The following ADAMTS13 variants were observed in gnomAD, a reference collection of about 807,000 sequenced individuals.
The protein encoded by ADAMTS13 is ADAM metallopeptidase with thrombospondin type 1 motif 13, also known as A disintegrin and metalloproteinase with thrombospondin motifs 13.
A neutral mutation model predicts 155.1 loss-of-function variants in ADAMTS13; 110 were observed. The ratio of observed to expected loss-of-function variants is 0.71; its 90% CI spans 0.61 to 0.83. The LOEUF is 0.83. Ranked by LOEUF, ADAMTS13 falls within the 40% of genes least tolerant of loss-of-function variation. The pLI is 0.00. For synonymous variants in ADAMTS13, 758 were observed against 756.4 expected (o/e 1.00, Z -0.03); for missense variants, 1,707 against 1,891.7 (o/e 0.90, Z 1.81).
upstream of ADAMTS13, among the ~76,000 whole-genome samples, chr9:133,419,599 G>A (rs587602296): frequency 4.7e-4 from 72 of 152,244 alleles, no homozygotes; most frequent in African/African-American, 1.7e-3. Flanking sequence ...GAGGAGAAGC[G>A]GATGTGAGTG....
chr9:133,426,284 C>G lies in ADAMTS13; in HGVS notation c.625C>G (p.Leu209Val). The change falls in exon 6 of 29, where the codon CTC becomes GTC. Residue 209 changes from leucine (L) to valine (V), a missense_variant. Coordinates refer to ENST00000355699, the MANE Select transcript of ADAMTS13 (RefSeq NM_139027.6). The stretch of plus-strand genomic sequence containing the variant: ...TGCCTGCTCCCCAACCTGGAGCTGC[C>G]TCATTACCGAGGACACTGGCTTCGA... Reference protein sequence around the residue: ...GGACSPTWSCLITEDTGFDLG... With the variant: ...GGACSPTWSCVITEDTGFDLG... 6.2e-7 allele frequency: 1 copy of G among 1,610,154 alleles called. No homozygotes were observed. Among genetic ancestry groups the G allele is most frequent in the Non-Finnish European group, 8.5e-7 (1 of 1,180,022 alleles).
In ADAMTS13 at chr9:133,442,497, C is replaced by A. The variant is rs782806565; in HGVS notation, c.2067C>A (p.Ala689=). Residue 689 remains alanine (A), a synonymous_variant, in exon 17 of 29, where the codon GCC becomes GCA. Transcript: ENST00000355699. ...QPKPRQAWVW[A]AVRGPCSVSC... Reference sequence around the variant, plus strand: ...AGCCACGGCAGGCCTGGGTGTGGGCCGCTGTGCGTGGGCCCTGCTCGGTGA... The same window carrying A: ...AGCCACGGCAGGCCTGGGTGTGGGCAGCTGTGCGTGGGCCCTGCTCGGTGA... 6.2e-7 allele frequency: 1 copy of A among 1,613,708 alleles called. No individual in the cohort carries two copies. Among genetic ancestry groups the A allele is most frequent in the Non-Finnish European group, 8.5e-7 (1 of 1,180,032 alleles).
At chr9:133,436,782 G>GCCCCCCC in intron 11 of ADAMTS13, 47 bp from the exon 12 acceptor site, 1 of 653,244 alleles carries the variant, frequency 1.5e-6, no homozygotes. Flanking sequence ...GACAACACCC[G>GCCCCCCC]CCCCCCGCCC....
rs782268976 is a variant in ADAMTS13, at chr9:133,430,086, C to T, written c.972C>T (p.Phe324=). The change falls in exon 8 of 29, where the codon TTC becomes TTT. Residue 324 remains phenylalanine (F), a synonymous_variant. Transcript: ENST00000355699. ...GCCCCAAGGCTGTCGCCTGCACCTT[C>T]GCCAGGGAGCACCTGGTGAGTCTGC... ...AFGPKAVACT[F]AREHLDMCQA... The T allele has an allele frequency of 6.3e-6, 10 of 1,589,598 alleles. No homozygotes were observed. The East Asian group carries it at 1.8e-4, about 29-fold the overall frequency.
rs782251114 is a variant in ADAMTS13 at position 133,443,382 on chromosome 9, G to T, written c.2241G>T (p.Ala747=). The T allele has an allele frequency of 6.3e-7, 1 of 1,596,848 alleles. No individual in the cohort carries two copies. The highest frequency in any genetic ancestry group is 8.5e-7 in the Non-Finnish European group (1 of 1,177,322). The change falls in exon 19 of 29, where the codon GCG becomes GCT. Residue 747 remains alanine, a synonymous_variant. Transcript: ENST00000355699. ...GCTCTGTCTCCTTCCTCAGCTGGGC[G>T]GTGGGAGACTTCGGCCCATGCAGCG... ...CVLEPCPPYW[A]VGDFGPCSAS... is the part of the protein sequence containing the mutation.
At chr9:133,419,338 C>T (rs1183138004), upstream of ADAMTS13, among the ~76,000 whole-genome samples, 1 of 152,110 alleles carries the variant, frequency 6.6e-6, no homozygotes, top group Non-Finnish European at 1.5e-5. Context: ...AACGGGCCGT[C>T]AGTCACCAAG....
At chr9:133,421,002 A>G (rs191466931), upstream of ADAMTS13, among the ~76,000 whole-genome samples, 6 of 152,356 alleles carry the variant, frequency 3.9e-5, no homozygotes, top group East Asian at 1.2e-3. Context: ...TTGGTGGCTC[A>G]TGCCTGTAAT....
chr9:133,432,827 G>C (rs1325381282), intron 9 of ADAMTS13, 135 bp downstream of exon 9: 2 of 879,822 alleles, frequency 2.3e-6, no homozygotes, highest in African/African-American at 3.3e-5. Context: ...CTTGGGGACT[G>C]TCCTTTGGGT....
chr9:133,451,196 G>T (rs1842415072), intron 23 of ADAMTS13, among the ~76,000 whole-genome samples: 2 of 152,226 alleles, frequency 1.3e-5, no homozygotes, highest in African/African-American at 4.8e-5. Context: ...AGACATGTAT[G>T]TTCCAGCACT....
In ADAMTS13 at chr9:133,458,025, G is replaced by A; in HGVS notation, c.3840G>A (p.Arg1280=). The A allele has an allele frequency of 1.2e-6, 2 of 1,613,468 alleles. No individual in the cohort carries two copies. Among genetic ancestry groups the A allele is most frequent in the East Asian group, 2.2e-5 (1 of 44,890 alleles). The change falls in exon 28 of 29, where the codon CGG becomes CGA. Residue 1280 remains arginine, a synonymous_variant. Coordinates refer to ENST00000355699, the MANE Select transcript of ADAMTS13 (RefSeq NM_139027.6). ...TCATTAATGTGGCTCCGCACGCACG[G>A]ATTGCCATCCATGCCCTGGCCACCA... ...RLFINVAPHA[R]IAIHALATNM... is the part of the protein sequence containing the mutation.
At position 133,439,422 on chromosome 9, in the gene ADAMTS13, C is replaced by A; in HGVS notation, c.1762C>A (p.His588Asn). The change falls in exon 15 of 29, where the codon CAC becomes AAC. Residue 588 changes from histidine to asparagine, a missense_variant. This residue lies in a region of ADAMTS13 where 961 missense variants were observed against 1,107.9 expected (regional missense o/e 0.87). Transcript: ENST00000355699. ...CCTGACCAGTGTCTACATTGCCAAC[C>A]ACAGGCCTCTCTTCACACACTTGGG... is the stretch of plus-strand genomic sequence containing the variant. ...PNLTSVYIANHRPLFTHLAVR... is the reference protein window; with the variant it reads ...PNLTSVYIANNRPLFTHLAVR... 6.2e-7 allele frequency: 1 copy of A among 1,614,074 alleles called. No homozygotes were observed. The highest frequency in any genetic ancestry group is 8.5e-7 in the Non-Finnish European group (1 of 1,179,908).
chr9:133,447,657 T>A (rs1425606595), intron 21 of ADAMTS13, among the ~76,000 whole-genome samples: 3 of 152,122 alleles, frequency 2.0e-5, no homozygotes, highest in Non-Finnish European at 4.4e-5. Context: ...GGTGTGATCT[T>A]GGCTCACTGC....
At position 133,446,795 on chromosome 9, in the gene ADAMTS13, GTGCATAAGAGTTCCAAT is replaced by G. The variant is rs1455100307; in HGVS notation, c.2731+977_2731+993del. 2.0e-5 allele frequency among the ~76,000 whole-genome samples: 3 copies of G among 152,308 alleles called. No individual in the cohort carries two copies. In the East Asian group the frequency reaches 5.8e-4, roughly 29 times the overall value. On this transcript the variant is annotated intron_variant, in intron 21 of 28. Transcript: ENST00000355699. ...GCACCATTTTACATTTCCACTAATG[GTGCATAAGAGTTCCAAT>G]GTCCTCCCATCCTTGCCAACACTTT...
chr9:133,433,190 G>A (rs587607827), intron 9 of ADAMTS13, among the ~76,000 whole-genome samples, 188 bp from the exon 10 acceptor site: 12 of 150,056 alleles, frequency 8.0e-5, no homozygotes, highest in Admixed American at 4.0e-4. Context: ...CTCTGTGTGT[G>A]TTGGAGATCC....
chr9:133,448,683 C>G lies in ADAMTS13; in HGVS notation c.2816C>G (p.Pro939Arg). The change falls in exon 22 of 29, where the codon CCT becomes CGT. Residue 939 changes from proline to arginine, a missense_variant. By Grantham distance (103) the Pro-to-Arg change is moderately radical (BLOSUM62 -2). This residue lies in a region of ADAMTS13 where 961 missense variants were observed against 1,107.9 expected (regional missense o/e 0.87). Transcript: ENST00000355699. ...GAGCTGTGTGGCCTGGCAAGCAAGCCTGGGAGCCGGCGGGAGGTCTGCCAG... is the reference window on the plus strand; with the variant it reads ...GAGCTGTGTGGCCTGGCAAGCAAGCGTGGGAGCCGGCGGGAGGTCTGCCAG... The part of the protein sequence containing the change: ...QEELCGLASK[P>R]GSRREVCQAV... 2.5e-6 allele frequency: 4 copies of G among 1,606,428 alleles called. No homozygotes were observed. Among genetic ancestry groups the G allele is most frequent in the Non-Finnish European group, 3.4e-6 (4 of 1,179,972 alleles).
At chr9:133,422,643 C>T (rs1355992706) in intron 1 of ADAMTS13, 95 bp downstream of exon 1, 36 of 1,262,360 alleles carry the variant, frequency 2.9e-5, no homozygotes, top group Middle Eastern at 3.7e-4. Context: ...TAGCTGACTA[C>T]ATCAGCTTTG....
At chr9:133,452,116 TCTC>T (rs1460294441) in intron 23 of ADAMTS13, among the ~76,000 whole-genome samples, 2 of 140,954 alleles carry the variant, frequency 1.4e-5, no homozygotes, top group African/African-American at 2.4e-5. Flanking sequence ...GTTTTTTTCT[TCTC>T]CTTTTTTTTT....
At position 133,436,967 on chromosome 9, in the gene ADAMTS13, G is replaced by A. The variant is rs1426224617; in HGVS notation, c.1435+12G>A. The A allele has an allele frequency of 2.1e-5, 34 of 1,594,642 alleles. No individual in the cohort carries two copies. The highest frequency in any genetic ancestry group is 2.4e-5 in the Non-Finnish European group (28 of 1,172,500). On this transcript the variant is annotated intron_variant, in intron 12 of 28. Coordinates refer to ENST00000355699, the MANE Select transcript of ADAMTS13 (RefSeq NM_139027.6). ...ACCACACAGCCAAGGTGGGGCCTGC[G>A]GAGTGTGGGGTTGGGGGAGGAGCCA...
Position 133,456,377 on chromosome 9 carries a change from A to C in ADAMTS13, c.3547+162A>C, listed in dbSNP as rs587708432. 1.3e-5 allele frequency among the ~76,000 whole-genome samples: 2 copies of C among 152,328 alleles called. No homozygotes were observed. Among genetic ancestry groups the C allele is most frequent in the Admixed American group, 1.3e-4 (2 of 15,302 alleles). ...AGTGATGATCTGCATTTTACAGATG[A>C]GGAAACTGAGGCTAGGAGAGATTAA... On this transcript the variant is annotated intron_variant, in intron 26 of 28. Transcript: ENST00000355699. This position sits in a 1 kb window ranked among gnomAD's most constrained non-coding sequence, Gnocchi z 4.4.
Sources: gnomAD v4.1 joint callset for allele counts (sites outside exome capture counted in the v4.1 genomes callset) on GRCh38, gnomAD v4.1.1 for gene constraint, gnomAD v4.1.1 regional missense constraint, Gnocchi (gnomAD v3.1) non-coding constraint, MANE v1.5 for transcripts, NCBI Gene and HGNC (gene_info 2026-07-23, HGNC 2026-07-21) for gene names.